The following KCNQ1 variants were observed in gnomAD, a reference collection of about 807,000 sequenced individuals.
KCNQ1 encodes potassium voltage-gated channel subfamily Q member 1, also known as potassium voltage-gated channel subfamily KQT member 1.
KCNQ1 carries 49 observed loss-of-function variants against 72.4 expected under a neutral mutation model. The observed-to-expected ratio is 0.68, with a 90% CI of 0.54 to 0.86. The LOEUF (loss-of-function observed/expected upper bound fraction) is 0.86, where lower values mean the gene tolerates loss of function less well. Among genes scored for constraint, KCNQ1 ranks in the 40% least tolerant of loss-of-function variants. The pLI is 0.00. For missense variants in KCNQ1, 790 were observed against 945.1 expected (o/e 0.84, Z 2.15); for synonymous variants, 450 against 412.6 (o/e 1.09, Z -1.10).
At chr11:2,474,625 A>C (rs1259923890) in intron 1 of KCNQ1, among the ~76,000 whole-genome samples, 1 of 151,628 alleles carries the variant, frequency 6.6e-6, no homozygotes, top group Non-Finnish European at 1.5e-5. Flanking sequence ...AGGCTCTTTC[A>C]CCGCCCAGAC....
intron 1 of KCNQ1, among the ~76,000 whole-genome samples, chr11:2,496,463 A>AT (rs1846919042): frequency 7.0e-6 from 1 of 142,596 alleles, no homozygotes; most frequent in Non-Finnish European, 1.5e-5. Context: ...AAAAAATAAA[A>AT]TTAAAAAAAA....
At chr11:2,801,470 C>T (rs927619335) in intron 15 of KCNQ1, among the ~76,000 whole-genome samples, 11 of 152,344 alleles carry the variant, frequency 7.2e-5, no homozygotes, top group African/African-American at 2.6e-4. Flanking sequence ...GAAGGGTCGG[C>T]TCCTGGTGAG....
chr11:2,838,683 C>A (rs492493), intron 15 of KCNQ1, among the ~76,000 whole-genome samples: 1 of 152,138 alleles, frequency 6.6e-6, no homozygotes, highest in Non-Finnish European at 1.5e-5. Flanking sequence ...GTGGGCAGAC[C>A]TGGAGCAATG....
intron 11 of KCNQ1, among the ~76,000 whole-genome samples, chr11:2,756,260 A>G (rs563775287): frequency 2.0e-5 from 3 of 152,302 alleles, no homozygotes; most frequent in Non-Finnish European, 2.9e-5. Flanking sequence ...TCCACGTGCA[A>G]CCAGCCACTT....
At position 2,562,481 on chromosome 11, in the gene KCNQ1, C is replaced by T. The variant is rs1261767250; in HGVS notation, c.478-8147C>T. On this transcript the variant is annotated intron_variant, in intron 2 of 15. Coordinates refer to ENST00000155840, the MANE Select transcript of KCNQ1 (RefSeq NM_000218.3). This position sits in a 1 kb window ranked among gnomAD's most constrained non-coding sequence, Gnocchi z 7.5. Reference sequence around the variant, plus strand: ...AACAGCTGGCCCCAAAGCCCGCCAGCCGGGCTCTATGCTGTGGGGACCACT... The same window carrying T: ...AACAGCTGGCCCCAAAGCCCGCCAGTCGGGCTCTATGCTGTGGGGACCACT... Among the ~76,000 whole-genome samples, 1 of 152,192 alleles carries T rather than the reference C, an allele frequency of 6.6e-6. No homozygotes were observed. The highest frequency in any genetic ancestry group is 2.4e-5 in the African/African-American group (1 of 41,446).
intron 11 of KCNQ1, chr11:2,680,816 A>G (rs1850384414): frequency 5.0e-6 from 2 of 398,294 alleles, no homozygotes; most frequent in Admixed American, 4.4e-5. Context: ...GGAACCACAT[A>G]GCAAATCACC....
In KCNQ1 at chr11:2,815,697, AT is replaced by A. The variant is rs1215336912; in HGVS notation, c.1795-32068del. Among the ~76,000 whole-genome samples the A allele has an allele frequency of 2.0e-5, 3 of 152,104 alleles. No individual in the cohort carries two copies. The East Asian group carries it at 5.8e-4, about 30-fold the overall frequency. ...CCCTCCCTATGCAGGCAGAGGGGCA[AT>A]TGGAAGAGGCTGGAGACTATTCAGG... is the stretch of plus-strand genomic sequence containing the variant. On this transcript the variant is annotated intron_variant, in intron 15 of 15. Coordinates refer to ENST00000155840, the MANE Select transcript of KCNQ1 (RefSeq NM_000218.3). The surrounding 1 kb of genome is among the most constrained non-coding windows in gnomAD (Gnocchi z 5.4).
At position 2,782,757 on chromosome 11, in the gene KCNQ1, T is replaced by A. The variant is rs527246314; in HGVS notation, c.1794+4720T>A. On this transcript the variant is annotated intron_variant, in intron 15 of 15. Transcript: ENST00000155840. The surrounding 1 kb of genome is among the most constrained non-coding windows in gnomAD (Gnocchi z 6.1). ...TATTATAATTTTAATGTCCGTCCAT[T>A]AGCATTTAGTCCCATTTTTTATTCT... is the stretch of plus-strand genomic sequence containing the variant. Among the ~76,000 whole-genome samples the A allele has an allele frequency of 1.1e-4, 17 of 152,342 alleles. No homozygotes were observed. Among genetic ancestry groups the A allele is most frequent in the African/African-American group, 4.1e-4 (17 of 41,588 alleles).
intron 10 of KCNQ1, chr11:2,641,150 G>A: frequency 2.5e-6 from 1 of 398,442 alleles, no homozygotes; most frequent in Non-Finnish European, 4.4e-6. Context: ...TACATTTTTA[G>A]TATACTGATA....
chr11:2,590,804 C>T (rs947840072), intron 10 of KCNQ1, among the ~76,000 whole-genome samples: 1 of 152,216 alleles, frequency 6.6e-6, no homozygotes, highest in Non-Finnish European at 1.5e-5. Context: ...GGCCCAGTCC[C>T]TTGGAGGCTG....
intron 1 of KCNQ1, among the ~76,000 whole-genome samples, chr11:2,524,161 G>C (rs1394442591): frequency 6.6e-5 from 10 of 152,188 alleles, no homozygotes; most frequent in Admixed American, 6.5e-4. Flanking sequence ...CTGAGTTGGA[G>C]GAAGAGACGG....
chr11:2,741,147 T>C (rs1282090775), intron 11 of KCNQ1, among the ~76,000 whole-genome samples: 1 of 151,684 alleles, frequency 6.6e-6, no homozygotes, highest in African/African-American at 2.4e-5. Flanking sequence ...AAGTCAAGAG[T>C]CTCTGGTGAG....
At chr11:2,606,198 A>G (rs922573687) in intron 10 of KCNQ1, among the ~76,000 whole-genome samples, 1 of 152,152 alleles carries the variant, frequency 6.6e-6, no homozygotes, top group African/African-American at 2.4e-5. Context: ...GTAGAAATAC[A>G]ATTGATTTTT....
At chr11:2,638,315 A>G (rs918921818) in intron 10 of KCNQ1, 5 of 152,100 alleles carry the variant, frequency 3.3e-5, no homozygotes, top group South Asian at 2.1e-4. Flanking sequence ...GCTGGTACCA[A>G]TTGTTCCTTT....
chr11:2,533,179 A>T (rs1202430930), intron 2 of KCNQ1, among the ~76,000 whole-genome samples: 1 of 152,174 alleles, frequency 6.6e-6, no homozygotes, highest in East Asian at 1.9e-4. Flanking sequence ...TTCTTTTCGT[A>T]CGCCCAGCTT....
chr11:2,471,736 G>GTGTGCATGGGCGTGTGTA lies in KCNQ1; in HGVS notation c.386+26269_386+26270insATGTGCATGGGCGTGTGT, dbSNP rs1209466820. 8.0e-5 allele frequency among the ~76,000 whole-genome samples: 8 copies of GTGTGCATGGGCGTGTGTA among 100,032 alleles called. No homozygotes were observed. In the East Asian group the frequency reaches 2.2e-3, roughly 28 times the overall value. 65.6% of individuals were successfully genotyped at this position (100,032 alleles called of 152,430 possible). A position where few individuals can be genotyped will look rare whatever the true frequency, so the allele number is the denominator to read the frequency against. On this transcript the variant is annotated intron_variant, in intron 1 of 15. Transcript: ENST00000155840. The surrounding 1 kb of genome is among the most constrained non-coding windows in gnomAD (Gnocchi z 4.8). ...TGTATGTGTGCATGGGCGTGTGTAT[G>GTGTGCATGGGCGTGTGTA]TGTGCATGGGCGTGTGTGTACTTGT...
At chr11:2,747,385 G>C (rs1846157517) in intron 11 of KCNQ1, among the ~76,000 whole-genome samples, 1 of 152,192 alleles carries the variant, frequency 6.6e-6, no homozygotes, top group South Asian at 2.1e-4. Flanking sequence ...AAAGACTGGG[G>C]CCTGGGGGTG....
chr11:2,500,484 A>G (rs1846991726), intron 1 of KCNQ1, among the ~76,000 whole-genome samples: 1 of 152,216 alleles, frequency 6.6e-6, no homozygotes, highest in Non-Finnish European at 1.5e-5. Context: ...TCAAGGATCT[A>G]GAACCCAAAT....
At chr11:2,519,024 C>A (rs1308563928) in intron 1 of KCNQ1, among the ~76,000 whole-genome samples, 1 of 152,192 alleles carries the variant, frequency 6.6e-6, no homozygotes, top group East Asian at 1.9e-4. Flanking sequence ...AGGGGAGGGG[C>A]TTCCAAGGCC....
Sources: gnomAD v4.1 joint callset for allele counts (sites outside exome capture counted in the v4.1 genomes callset) on GRCh38, gnomAD v4.1.1 for gene constraint, Gnocchi (gnomAD v3.1) non-coding constraint, MANE v1.5 for transcripts, NCBI Gene and HGNC (gene_info 2026-07-23, HGNC 2026-07-21) for gene names.